The following CLCN3 variants were observed in gnomAD, a reference collection of about 807,000 sequenced individuals.
The protein encoded by CLCN3 is H(+)/Cl(-) exchange transporter 3.
A neutral mutation model predicts 83.4 loss-of-function variants in CLCN3; 16 were observed. The ratio of observed to expected loss-of-function variants is 0.19; its 90% CI spans 0.13 to 0.29. The LOEUF (loss-of-function observed/expected upper bound fraction) is 0.29, where lower values mean the gene tolerates loss of function less well. Ranked by LOEUF, CLCN3 falls within the 10% of genes least tolerant of loss-of-function variation. The pLI is 1.00. For synonymous variants in CLCN3, 322 were observed against 346.2 expected (o/e 0.93, Z 0.78); for missense variants, 544 against 1,006.0 (o/e 0.54, Z 6.21).
At chr4:169,709,050 A>G (rs1733098282) in intron 11 of CLCN3, among the ~76,000 whole-genome samples, 1 of 148,360 alleles carries the variant, frequency 6.7e-6, no homozygotes, top group African/African-American at 2.4e-5. Flanking sequence ...TATGAAAATT[A>G]TGTACGTAAA....
At chr4:169,702,273 C>T (rs1732818426) in intron 9 of CLCN3, among the ~76,000 whole-genome samples, 2 of 152,128 alleles carry the variant, frequency 1.3e-5, no homozygotes, top group African/African-American at 2.4e-5. Context: ...GACTAGCTAC[C>T]TGCTGTAACA....
At position 169,654,787 on chromosome 4, in the gene CLCN3, G is replaced by A. The variant is rs1046404915; in HGVS notation, c.160+18699G>A. ...TGGCCCAGAAAAAAAGTCAACTTTT[G>A]TAAATGTTCCATGTATGCTATAAGA... On this transcript the variant is annotated intron_variant, in intron 2 of 12. Coordinates refer to ENST00000513761, the MANE Select transcript of CLCN3 (RefSeq NM_001829.4). 6.6e-5 allele frequency among the ~76,000 whole-genome samples: 10 copies of A among 152,170 alleles called. No individual in the cohort carries two copies. The East Asian group carries it at 1.9e-3, about 29-fold the overall frequency.
chr4:169,645,918 TC>T (rs1730558866), intron 2 of CLCN3, among the ~76,000 whole-genome samples: 1 of 152,196 alleles, frequency 6.6e-6, no homozygotes, highest in Non-Finnish European at 1.5e-5. Context: ...CCTGCCCTCC[TC>T]CTAAATTGAG....
intron 2 of CLCN3, among the ~76,000 whole-genome samples, chr4:169,668,462 G>T (rs1731335006): frequency 1.3e-5 from 2 of 152,132 alleles, no homozygotes; most frequent in Non-Finnish European, 2.9e-5. Flanking sequence ...GTAGAAGTGG[G>T]TAACAAAACC....
At position 169,713,051 on chromosome 4, in the gene CLCN3, A is replaced by T. The variant is rs1418845752; in HGVS notation, c.2150-28A>T. The T allele has an allele frequency of 1.3e-5, 20 of 1,557,870 alleles. No homozygotes were observed. In the East Asian group the frequency reaches 4.5e-4, roughly 35 times the overall value. ...CTACTTAAAAATCTATCAGTTTAAA[A>T]GTGTTGGTCTCTTCTCTCTCTTTTC... On this transcript the variant is annotated intron_variant, in intron 11 of 12. Coordinates refer to ENST00000513761, the MANE Select transcript of CLCN3 (RefSeq NM_001829.4).
intron 7 of CLCN3, among the ~76,000 whole-genome samples, chr4:169,692,911 AC>A (rs1359961071): frequency 1.3e-5 from 2 of 152,184 alleles, no homozygotes; most frequent in Admixed American, 6.5e-5. Context: ...CTTCTACAAG[AC>A]CTTGAAACCT....
intron 2 of CLCN3, among the ~76,000 whole-genome samples, chr4:169,641,925 T>C (rs1730424298): frequency 6.6e-6 from 1 of 152,130 alleles, no homozygotes; most frequent in South Asian, 2.1e-4. Context: ...AATAATCTAC[T>C]TCATTCCAAA....
chr4:169,713,379 A>AG, intron 12 of CLCN3, 84 bp downstream of exon 12: 1 of 1,059,154 alleles, frequency 9.4e-7, no homozygotes, highest in Non-Finnish European at 1.4e-6. Context: ...TTAGGGGAGC[A>AG]TGTGAGTCAG....
At chr4:169,623,344 C>G (rs566071153) in intron 1 of CLCN3, among the ~76,000 whole-genome samples, 1 of 152,042 alleles carries the variant, frequency 6.6e-6, no homozygotes, top group East Asian at 1.9e-4. Context: ...ACCCGCTGCC[C>G]CTGAGGAATT....
At chr4:169,626,451 T>TG (rs1279906441) in intron 1 of CLCN3, among the ~76,000 whole-genome samples, 1 of 152,220 alleles carries the variant, frequency 6.6e-6, no homozygotes, top group Non-Finnish European at 1.5e-5. Flanking sequence ...ATAGACCCAG[T>TG]GGGGAAACCC....
intron 2 of CLCN3, among the ~76,000 whole-genome samples, chr4:169,671,201 A>G (rs1361986105): frequency 6.6e-6 from 1 of 152,160 alleles, no homozygotes; most frequent in Non-Finnish European, 1.5e-5. Context: ...CCAACCCAAA[A>G]AGCCATCAAT....
At chr4:169,716,673 A>G (rs1733433910) in intron 12 of CLCN3, among the ~76,000 whole-genome samples, 1 of 152,186 alleles carries the variant, frequency 6.6e-6, no homozygotes, top group Admixed American at 6.6e-5. Context: ...TTAACATAAT[A>G]ATGAGAAAAC....
intron 8 of CLCN3, 62 bp downstream of exon 8, chr4:169,695,754 A>G: frequency 8.3e-7 from 1 of 1,201,682 alleles, no homozygotes. Context: ...TATATTTCAC[A>G]CATTTCAGTT....
At chr4:169,714,167 C>T (rs78250844) in intron 12 of CLCN3, among the ~76,000 whole-genome samples, 2,402 of 152,134 alleles carry the variant, frequency 0.016, 25 homozygotes, top group Non-Finnish European at 0.023. Flanking sequence ...TTGTTTTATC[C>T]GAAGGCAAAT....
intron 1 of CLCN3, among the ~76,000 whole-genome samples, chr4:169,631,363 T>C (rs1308999676): frequency 1.3e-5 from 2 of 152,202 alleles, no homozygotes; most frequent in Non-Finnish European, 1.5e-5. Context: ...CTCGGCTCAC[T>C]GCAAGCTCCG....
At chr4:169,645,322 C>T (rs1730544968) in intron 2 of CLCN3, among the ~76,000 whole-genome samples, 1 of 152,106 alleles carries the variant, frequency 6.6e-6, no homozygotes, top group Non-Finnish European at 1.5e-5. Context: ...GTAAAATCTA[C>T]ATATATGATT....
chr4:169,710,612 A>G (rs1012309175), intron 11 of CLCN3, among the ~76,000 whole-genome samples: 1 of 152,212 alleles, frequency 6.6e-6, no homozygotes, highest in Admixed American at 6.5e-5. Context: ...AAGAGATTGA[A>G]TGTTCACTTC....
chr4:169,721,983 ATT>A lies in CLCN3; in HGVS notation c.*1992_*1993del, dbSNP rs1560882046. The A allele has an allele frequency of 6.6e-6, 1 of 152,004 alleles. No individual in the cohort carries two copies. The highest frequency in any genetic ancestry group is 1.9e-4 in the East Asian group (1 of 5,186). The allele number at this position is 152,004 out of a possible 1,614,324, so 9.4% of individuals were successfully genotyped here. On this transcript the variant is annotated 3_prime_UTR_variant, in exon 13 of 13. Transcript: ENST00000513761. ...GGGCACACGCCACCATGCCCAGCTA[ATT>A]TTTTTGTATTTTTAGTAGAGATGGG...
chr4:169,643,192 A>G (rs575730945), intron 2 of CLCN3: 1 of 152,378 alleles, frequency 6.6e-6, no homozygotes, highest in Non-Finnish European at 1.5e-5. Context: ...AGTAAAGGCT[A>G]TGCCAATGGG....
Sources: gnomAD v4.1 joint callset for allele counts (sites outside exome capture counted in the v4.1 genomes callset) on GRCh38, gnomAD v4.1.1 for gene constraint, MANE v1.5 for transcripts, NCBI Gene and HGNC (gene_info 2026-07-23, HGNC 2026-07-21) for gene names.